Variants in ATRNL1 observed in about 807,000 individuals in gnomAD.
ATRNL1 encodes attractin-like protein 1.
Under a neutral mutation model 182.7 loss-of-function variants are expected in ATRNL1, and 95 were observed. The ratio of observed to expected loss-of-function variants is 0.52; its 90% CI spans 0.44 to 0.62. The LOEUF is 0.62. Among genes scored for constraint, ATRNL1 ranks in the 20% least tolerant of loss-of-function variants. The probability of loss-of-function intolerance (pLI) is 0.00; values close to 1 mark genes in which losing one functional copy is unlikely to be tolerated. For synonymous variants in ATRNL1, 576 were observed against 568.3 expected (o/e 1.01, Z -0.19); for missense variants, 1,471 against 1,679.5 (o/e 0.88, Z 2.17).
At chr10:115,712,181 A>G (rs67121540) in intron 26 of ATRNL1, among the ~76,000 whole-genome samples, 45,352 of 152,118 alleles carry the variant, frequency 0.3, 8,072 homozygotes, top group Middle Eastern at 0.41. Context: ...TATTAGTTCA[A>G]TGCCAAGCCT....
intron 28 of ATRNL1, among the ~76,000 whole-genome samples, chr10:115,888,569 T>C (rs1952007163): frequency 1.3e-5 from 2 of 152,262 alleles, no homozygotes; most frequent in African/African-American, 4.8e-5. Flanking sequence ...CCCCTCAATA[T>C]GATCTTCCTG....
At chr10:115,742,695 AT>A (rs1565339241) in intron 27 of ATRNL1, among the ~76,000 whole-genome samples, 1 of 151,938 alleles carries the variant, frequency 6.6e-6, no homozygotes, top group South Asian at 2.1e-4. Context: ...AGCCTTCATG[AT>A]TTTTTTCCTG....
chr10:115,549,365 T>C (rs990531719), intron 25 of ATRNL1, 93 bp from the exon 26 acceptor site: 22 of 677,566 alleles, frequency 3.2e-5, no homozygotes, highest in African/African-American at 3.2e-4. Context: ...TTATTACTTA[T>C]ATATATATGT....
intron 24 of ATRNL1, among the ~76,000 whole-genome samples, chr10:115,478,070 G>A (rs1366670027): frequency 6.6e-6 from 1 of 151,596 alleles, no homozygotes; most frequent in African/African-American, 2.4e-5. Flanking sequence ...AAGGTTTTTT[G>A]TTTGTTTTTT....
chr10:115,285,521 T>C (rs370001748), intron 14 of ATRNL1, among the ~76,000 whole-genome samples: 15 of 152,250 alleles, frequency 9.9e-5, no homozygotes, highest in East Asian at 5.8e-4. Flanking sequence ...AAGTTTAGCC[T>C]TATTAATATA....
intron 9 of ATRNL1, among the ~76,000 whole-genome samples, chr10:115,234,592 C>CT (rs554861467): frequency 0.015 from 2,005 of 133,688 alleles, 33 homozygotes; most frequent in African/African-American, 0.04. Flanking sequence ...TTTTCTTTTT[C>CT]TTTTTTTTTT....
intron 3 of ATRNL1, among the ~76,000 whole-genome samples, chr10:115,123,682 C>T (rs1554872443): frequency 6.6e-6 from 1 of 152,132 alleles, no homozygotes; most frequent in Non-Finnish European, 1.5e-5. Flanking sequence ...GATCCCCGTA[C>T]CAGTCCATGG....
At chr10:115,596,949 A>G (rs527841576) in intron 26 of ATRNL1, among the ~76,000 whole-genome samples, 2 of 151,646 alleles carry the variant, frequency 1.3e-5, no homozygotes, top group Admixed American at 6.6e-5. Flanking sequence ...TTTATTTCCT[A>G]TTTATTTTGG....
intron 18 of ATRNL1, among the ~76,000 whole-genome samples, chr10:115,327,079 C>G (rs1854933632): frequency 6.6e-6 from 1 of 151,128 alleles, no homozygotes; most frequent in Admixed American, 6.6e-5. Context: ...CCAAAATTGA[C>G]AAATGGGATC....
intron 20 of ATRNL1, among the ~76,000 whole-genome samples, chr10:115,423,184 C>T (rs1396123645): frequency 6.6e-6 from 1 of 152,088 alleles, no homozygotes; most frequent in Non-Finnish European, 1.5e-5. Flanking sequence ...ATGCCTGTAT[C>T]AAAATATCTA....
intron 28 of ATRNL1, among the ~76,000 whole-genome samples, chr10:115,939,443 T>G (rs1263862067): frequency 2.0e-5 from 3 of 152,226 alleles, no homozygotes; most frequent in African/African-American, 4.8e-5. Flanking sequence ...GTCTGGTGTT[T>G]AAGAACTAAA....
chr10:115,163,018 T>C (rs1554883620), intron 6 of ATRNL1, among the ~76,000 whole-genome samples: 1 of 141,004 alleles, frequency 7.1e-6, no homozygotes, highest in Admixed American at 7.3e-5. Context: ...TAAGAGAGAA[T>C]GGAAAGTGGG....
intron 24 of ATRNL1, among the ~76,000 whole-genome samples, chr10:115,482,796 C>T (rs1022038943): frequency 1.3e-5 from 2 of 151,112 alleles, no homozygotes; most frequent in Non-Finnish European, 1.5e-5. Flanking sequence ...TTATTCTGTA[C>T]TGAATGTTGT....
rs967244312 is a variant in ATRNL1 at position 115,093,801 on chromosome 10, G to A, written c.51G>A (p.Pro17=). The A allele has an allele frequency of 1.4e-6, 2 of 1,470,786 alleles. No homozygotes were observed. The highest frequency in any genetic ancestry group is 2.9e-5 in the African/African-American group (2 of 68,218). The allele number at this position is 1,470,786 out of a possible 1,614,324, so 91.1% of individuals were successfully genotyped here. Reference sequence around the variant, plus strand: ...CTGGTACCCCGCAGCCAGCGGCCCCGGGGGTGTGGAGGGCTCGGCCGGCGG... The same window carrying A: ...CTGGTACCCCGCAGCCAGCGGCCCCAGGGGTGTGGAGGGCTCGGCCGGCGG... ...ARTGTPQPAA[P]GVWRARPAGG... Residue 17 remains proline (P), a synonymous_variant, in exon 1 of 29, where the codon CCG becomes CCA. Coordinates refer to ENST00000355044, the MANE Select transcript of ATRNL1 (RefSeq NM_207303.4). This position sits in a 1 kb window ranked among gnomAD's most constrained non-coding sequence, Gnocchi z 6.1.
At chr10:115,721,619 C>A (rs1947428366) in intron 26 of ATRNL1, among the ~76,000 whole-genome samples, 2 of 152,092 alleles carry the variant, frequency 1.3e-5, no homozygotes, top group Non-Finnish European at 2.9e-5. Flanking sequence ...TATTCACTAT[C>A]ATGAGAATAA....
chr10:115,560,681 G>GGAGA lies in ATRNL1; in HGVS notation c.3795+11147_3795+11150dup, dbSNP rs752163442. ...GACAAGTAGATCCTAAAATCCACAG[G>GGAGA]GAGAGGCAAAGGGCCCTAAACAGCA... On this transcript the variant is annotated intron_variant, in intron 26 of 28. Transcript: ENST00000355044. Among the ~76,000 whole-genome samples the GGAGA allele has an allele frequency of 1.5e-3, 224 of 152,158 alleles. 4 individuals carry two copies. Among genetic ancestry groups the GGAGA allele is most frequent in the Non-Finnish European group, 2.5e-3 (172 of 67,996 alleles).
rs530237431 is a variant in ATRNL1, at chr10:115,362,741, A to G, written c.3175+28322A>G. Among the ~76,000 whole-genome samples the G allele has an allele frequency of 2.8e-3, 421 of 152,134 alleles. 1 individual carries two copies. The highest frequency in any genetic ancestry group is 9.3e-3 in the African/African-American group (385 of 41,484). On this transcript the variant is annotated intron_variant, in intron 19 of 28. Transcript: ENST00000355044. ...TGTGTCCATGTGATCTCATTGTTCAATTCCCACCAATGAGTGAGAATATGC... is the reference window on the plus strand; with the variant it reads ...TGTGTCCATGTGATCTCATTGTTCAGTTCCCACCAATGAGTGAGAATATGC...
intron 28 of ATRNL1, among the ~76,000 whole-genome samples, chr10:115,906,368 C>T (rs1952503398): frequency 6.6e-6 from 1 of 152,072 alleles, no homozygotes; most frequent in African/African-American, 2.4e-5. Flanking sequence ...ACTCAGGTAA[C>T]TATTTTGTAA....
At chr10:115,697,841 A>T (rs960525762) in intron 26 of ATRNL1, among the ~76,000 whole-genome samples, 1 of 152,120 alleles carries the variant, frequency 6.6e-6, no homozygotes, top group East Asian at 1.9e-4. Context: ...TGTCTTTGCT[A>T]CTATCCTGTA....
Sources: gnomAD v4.1 joint callset for allele counts (sites outside exome capture counted in the v4.1 genomes callset) on GRCh38, gnomAD v4.1.1 for gene constraint, Gnocchi (gnomAD v3.1) non-coding constraint, MANE v1.5 for transcripts, NCBI Gene and HGNC (gene_info 2026-07-23, HGNC 2026-07-21) for gene names.